The following ATG7 variants were observed in gnomAD, a reference collection of about 807,000 sequenced individuals.
ATG7 encodes the protein ubiquitin-like modifier-activating enzyme ATG7.
A neutral mutation model predicts 82.4 loss-of-function variants in ATG7; 70 were observed. That is an observed-to-expected ratio of 0.85 (90% confidence interval 0.70 to 1.04). ATG7 has a LOEUF of 1.04. Ranked by LOEUF, ATG7 falls within the 50% of genes least tolerant of loss-of-function variation. The pLI is 0.00. For missense variants in ATG7, 792 were observed against 864.3 expected (o/e 0.92, Z 1.05); for synonymous variants, 287 against 313.0 (o/e 0.92, Z 0.88).
chr3:11,418,118 T>A (rs1423952015), intron 19 of ATG7, among the ~76,000 whole-genome samples: 1 of 151,736 alleles, frequency 6.6e-6, no homozygotes, highest in Non-Finnish European at 1.5e-5. Flanking sequence ...GCCTGTATAT[T>A]TTTTAAGGTA....
At chr3:11,499,030 A>T (rs1481639747) in intron 20 of ATG7, among the ~76,000 whole-genome samples, 2 of 152,226 alleles carry the variant, frequency 1.3e-5, no homozygotes, top group Non-Finnish European at 2.9e-5. Flanking sequence ...AAAAGAAAAA[A>T]CAGTCCATAG....
chr3:11,490,676 A>G (rs1244829108), intron 20 of ATG7, among the ~76,000 whole-genome samples: 1 of 152,096 alleles, frequency 6.6e-6, no homozygotes. Context: ...GGTGGTGACA[A>G]AATCTCTCAG....
chr3:11,568,828 G>A, the ATG7 span: 647 of 1,417,860 alleles, frequency 4.6e-4, 3 homozygotes, highest in African/African-American at 8.5e-3. This position sits in a 1 kb window ranked among gnomAD's most constrained non-coding sequence, Gnocchi z 5.9. Flanking sequence ...AACACCCAAA[G>A]GACTCTGAGT....
Position 11,333,234 on chromosome 3 carries a change from C to T in ATG7, c.889+141C>T, listed in dbSNP as rs567272280. 7 of 1,126,970 alleles carry T rather than the reference C, an allele frequency of 6.2e-6. No individual in the cohort carries two copies. In the African/African-American group the frequency reaches 9.8e-5, roughly 16 times the overall value. 69.8% of individuals were successfully genotyped at this position (1,126,970 alleles called of 1,614,324 possible). A position where few individuals can be genotyped will look rare whatever the true frequency, so the allele number is the denominator to read the frequency against. ...TGTACCTCTTTGCCAATGCAGACAC[C>T]TACTTCGAACAGAGGGCATGCTCTG... On this transcript the variant is annotated intron_variant, in intron 11 of 20. Coordinates refer to ENST00000693202, the MANE Select transcript of ATG7 (RefSeq NM_001349232.2).
chr3:11,541,954 A>G (rs938744726), intron 20 of ATG7, among the ~76,000 whole-genome samples: 3 of 152,282 alleles, frequency 2.0e-5, no homozygotes, highest in African/African-American at 7.2e-5. Flanking sequence ...TGTGGGTGCC[A>G]CAAAAATCAC....
intron 3 of ATG7, among the ~76,000 whole-genome samples, chr3:11,295,296 TC>T (rs1358166169): frequency 6.6e-6 from 1 of 152,222 alleles, no homozygotes; most frequent in East Asian, 1.9e-4. Flanking sequence ...TTATTATAAT[TC>T]CCACCTCATT....
At chr3:11,440,674 C>CATTTTTTTTTTTT (rs769737485) in intron 20 of ATG7, among the ~76,000 whole-genome samples, 2 of 39,484 alleles carry the variant, frequency 5.1e-5, no homozygotes, top group African/African-American at 2.2e-4. Flanking sequence ...TCCCCATTTG[C>CATTTTTTTTTTTT]TTTTTTTTTT....
chr3:11,466,339 A>G (rs2086824601), intron 20 of ATG7, among the ~76,000 whole-genome samples: 2 of 152,246 alleles, frequency 1.3e-5, no homozygotes, highest in South Asian at 4.1e-4. Flanking sequence ...AAAATTCTTC[A>G]GCAAATTCTA....
At chr3:11,401,133 C>T (rs571353984) in intron 19 of ATG7, among the ~76,000 whole-genome samples, 11 of 152,300 alleles carry the variant, frequency 7.2e-5, no homozygotes, top group African/African-American at 1.9e-4. Context: ...TCTCAGACCC[C>T]GCCCCAGACC....
At chr3:11,512,695 G>A (rs1258053100) in intron 20 of ATG7, among the ~76,000 whole-genome samples, 7 of 152,316 alleles carry the variant, frequency 4.6e-5, no homozygotes, top group Middle Eastern at 3.4e-3. Flanking sequence ...TAAAAGCAGT[G>A]TGGACCCAAA....
intron 20 of ATG7, among the ~76,000 whole-genome samples, chr3:11,496,356 C>A (rs1460169775): frequency 6.6e-6 from 1 of 152,176 alleles, no homozygotes; most frequent in East Asian, 1.9e-4. Context: ...TGCATAAACT[C>A]ATTGAGGGAA....
At chr3:11,482,022 G>T (rs902584551) in intron 20 of ATG7, among the ~76,000 whole-genome samples, 3 of 152,180 alleles carry the variant, frequency 2.0e-5, no homozygotes, top group Non-Finnish European at 2.9e-5. Flanking sequence ...TAATGAAATG[G>T]GGCTTCAAGG....
intron 20 of ATG7, among the ~76,000 whole-genome samples, chr3:11,450,912 A>G (rs2085056657): frequency 6.6e-6 from 1 of 152,192 alleles, no homozygotes; most frequent in Non-Finnish European, 1.5e-5. Context: ...GGTGTCCTCC[A>G]GGGTGTATTA....
chr3:11,301,801 T>TA (rs1451227907), intron 5 of ATG7, among the ~76,000 whole-genome samples: 1 of 152,226 alleles, frequency 6.6e-6, no homozygotes, highest in African/African-American at 2.4e-5. Flanking sequence ...GAGAGCCTCA[T>TA]ATTTATCTCA....
chr3:11,384,133 C>T (rs957916007), intron 19 of ATG7, among the ~76,000 whole-genome samples: 3 of 152,204 alleles, frequency 2.0e-5, no homozygotes, highest in African/African-American at 4.8e-5. Context: ...CAATAATAAC[C>T]TTGTTTCTGG....
At chr3:11,507,660 T>C (rs1031265614) in intron 20 of ATG7, among the ~76,000 whole-genome samples, 1 of 152,226 alleles carries the variant, frequency 6.6e-6, no homozygotes, top group Non-Finnish European at 1.5e-5. Context: ...TTTTTGTTTG[T>C]CCTTCCAAAT....
intron 13 of ATG7, among the ~76,000 whole-genome samples, chr3:11,347,143 C>T (rs1257602112): frequency 6.6e-6 from 1 of 152,218 alleles, no homozygotes; most frequent in African/African-American, 2.4e-5. Context: ...TTCATTCCCA[C>T]CATTAACCAG....
intron 20 of ATG7, among the ~76,000 whole-genome samples, chr3:11,510,771 C>G (rs893128759): frequency 1.3e-5 from 2 of 152,174 alleles, no homozygotes; most frequent in Non-Finnish European, 2.9e-5. Flanking sequence ...GACTTCCAGG[C>G]TTGGGGTAGA....
At chr3:11,438,836 C>T (rs1036234433) in intron 20 of ATG7, among the ~76,000 whole-genome samples, 2 of 152,034 alleles carry the variant, frequency 1.3e-5, no homozygotes, top group Non-Finnish European at 2.9e-5. Context: ...CGCTGCTGAG[C>T]CTAACTTCCT....
Sources: gnomAD v4.1 joint callset for allele counts (sites outside exome capture counted in the v4.1 genomes callset) on GRCh38, gnomAD v4.1.1 for gene constraint, Gnocchi (gnomAD v3.1) non-coding constraint, MANE v1.5 for transcripts, NCBI Gene and HGNC (gene_info 2026-07-23, HGNC 2026-07-21) for gene names.